Variants in SAMD11 observed in about 807,000 individuals in gnomAD.
SAMD11 encodes the protein sterile alpha motif domain-containing protein 11.
A neutral mutation model predicts 64.4 loss-of-function variants in SAMD11; 77 were observed. That is an observed-to-expected ratio of 1.20 (90% CI 0.99 to 1.44). The LOEUF (loss-of-function observed/expected upper bound fraction) is 1.44. SAMD11 is among the 40% of genes most tolerant of loss of function. SAMD11 has a pLI of 0.00. For synonymous variants in SAMD11, 658 were observed against 421.9 expected, an observed-to-expected ratio of 1.56 and a Z score of -6.86; for missense variants, 1,402 against 943.3, an observed-to-expected ratio of 1.49 and a Z score of -6.37.
chr1:936,836 C>T (rs1048158383), intron 5 of SAMD11, among the ~76,000 whole-genome samples: 12 of 152,160 alleles, frequency 7.9e-5, no homozygotes, highest in African/African-American at 2.4e-4. Context: ...AATCTAATTG[C>T]CCCATCGATC....
At position 931,066 on chromosome 1, in the gene SAMD11, C is replaced by T. The variant is rs141065105; in HGVS notation, c.819C>T (p.Ile273=). 37 of 1,612,702 alleles carry T rather than the reference C, an allele frequency of 2.3e-5. No individual in the cohort carries two copies. Among genetic ancestry groups the T allele is most frequent in the Middle Eastern group, 1.7e-4 (1 of 5,912 alleles). Residue 273 remains isoleucine (I), a synonymous_variant, in exon 4 of 14, where the codon ATC becomes ATT. Coordinates refer to ENST00000616016, the MANE Select transcript of SAMD11 (RefSeq NM_001385641.1). ...TCCACACCCACTGGGACGTGAACATCTCTTTCCGAGAGGCGTCCTGCAGGT... is the reference window on the plus strand; with the variant it reads ...TCCACACCCACTGGGACGTGAACATTTCTTTCCGAGAGGCGTCCTGCAGGT... ...RRVHTHWDVN[I]SFREASCSQD...
At chr1:939,586 C>A in intron 7 of SAMD11, 174 bp downstream of exon 7, 1 of 518,618 alleles carries the variant, frequency 1.9e-6, no homozygotes, top group Non-Finnish European at 2.9e-6. Flanking sequence ...TGCCACACGT[C>A]CTGCCCCATG....
chr1:939,572 C>CCTGGAGGACCCA, intron 7 of SAMD11, 160 bp downstream of exon 7: 1 of 1,322,394 alleles, frequency 7.6e-7, no homozygotes, highest in Non-Finnish European at 1.0e-6. Context: ...GATGCAGGTC[C>CCTGGAGGACCCA]CTCTGCCACA....
Position 943,013 on chromosome 1 carries a change from C to G in SAMD11, c.2008C>G (p.Leu670Val). ...EGKGLFPGST[L>V]PLGFPYAVSP... is the part of the protein sequence containing the mutation. The stretch of plus-strand genomic sequence containing the variant: ...GAAGGGGCTTTTCCCAGGGTCCACA[C>G]TGCCCCTGGGCTTCCCTTATGCCGT... The change falls in exon 11 of 14, where the codon CTG (leucine) becomes GTG (valine). Residue 670 changes from leucine to valine, a missense_variant. Leu to Val is a conservative substitution (Grantham distance 32, BLOSUM62 1). Transcript: ENST00000616016. 2 of 1,539,272 alleles carry G rather than the reference C, an allele frequency of 1.3e-6. No homozygotes were observed. Among genetic ancestry groups the G allele is most frequent in the Non-Finnish European group, 1.7e-6 (2 of 1,146,210 alleles).
intron 9 of SAMD11, 51 bp downstream of exon 9, chr1:942,302 C>A: frequency 1.9e-6 from 2 of 1,030,258 alleles, no homozygotes; most frequent in East Asian, 3.3e-5. Flanking sequence ...GGCTCGCGGA[C>A]CCGGCCCTGC....
intron 2 of SAMD11, among the ~76,000 whole-genome samples, chr1:929,172 G>A (rs1406765951): frequency 1.3e-5 from 2 of 152,230 alleles, no homozygotes; most frequent in Admixed American, 6.5e-5. Context: ...CTGGGCCGGC[G>A]CTGGTGTGCT....
chr1:935,533 C>T (rs1373666894), intron 4 of SAMD11, among the ~76,000 whole-genome samples: 1 of 152,206 alleles, frequency 6.6e-6, no homozygotes, highest in African/African-American at 2.4e-5. Context: ...TAGACCCTCC[C>T]TGGAGCAGCC....
At position 944,440 on chromosome 1, in the gene SAMD11, C is replaced by A; in HGVS notation, c.*287C>A. On this transcript the variant is annotated 3_prime_UTR_variant, in exon 14 of 14. Coordinates refer to ENST00000616016, the MANE Select transcript of SAMD11 (RefSeq NM_001385641.1). ...ACTGGGACTGGTCTCGGTCTGCTGA[C>A]GTCAGGGTCAGCTCCCCCGCGGAGC... 1 of 976,488 alleles carries A rather than the reference C, an allele frequency of 1.0e-6. No homozygotes were observed. Among genetic ancestry groups the A allele is most frequent in the Non-Finnish European group, 1.4e-6 (1 of 708,440 alleles). The allele number at this position is 976,488 out of a possible 1,614,324, so 60.5% of individuals were successfully genotyped here. A position where few individuals can be genotyped will look rare whatever the true frequency, so the allele number is the denominator to read the frequency against.
chr1:943,917 C>T lies in SAMD11; in HGVS notation c.2299C>T (p.Arg767Cys), dbSNP rs140566193. 75 of 1,612,614 alleles carry T rather than the reference C, an allele frequency of 4.7e-5. No homozygotes were observed. Among genetic ancestry groups the T allele is most frequent in the African/African-American group, 1.5e-4 (11 of 74,932 alleles). Reference protein sequence around the residue: ...ALKIRAQVARRLGRVFYVASF... With the variant: ...ALKIRAQVARCLGRVFYVASF... The stretch of plus-strand genomic sequence containing the variant: ...GGCCATCTCTCTGCAGGTGGCCAGG[C>T]GCCTGGGCCGAGTTTTCTACGTGGC... Residue 767 changes from arginine (R) to cysteine (C), a missense_variant, in exon 14 of 14, where the codon CGC becomes TGC. Coordinates refer to ENST00000616016, the MANE Select transcript of SAMD11 (RefSeq NM_001385641.1).
intron 5 of SAMD11, among the ~76,000 whole-genome samples, chr1:936,570 G>A (rs529492216): frequency 6.6e-6 from 1 of 152,256 alleles, no homozygotes; most frequent in Non-Finnish European, 1.5e-5. Context: ...GTAGAGAGGG[G>A]CACAGCAGAG....
rs1277955803 is a variant in SAMD11 at position 943,790 on chromosome 1, C to G, written c.2271C>G (p.Ala757=). 6 of 1,612,712 alleles carry G rather than the reference C, an allele frequency of 3.7e-6. No homozygotes were observed. The highest frequency in any genetic ancestry group is 5.1e-6 in the Non-Finnish European group (6 of 1,179,942). ...ACATGGGGCTGAAGCTGGGGCCCGC[C>G]CTCAAGATCCGGGCCCAGGTGAGAC... ...LTNMGLKLGP[A]LKIRAQVARR... is the part of the protein sequence containing the mutation. The change falls in exon 13 of 14, where the codon GCC becomes GCG. Residue 757 remains alanine, a synonymous_variant. Coordinates refer to ENST00000616016, the MANE Select transcript of SAMD11 (RefSeq NM_001385641.1).
Position 930,256 on chromosome 1 carries a change from C to G in SAMD11, c.711C>G (p.Ser237Arg). 6.2e-7 allele frequency: 1 copy of G among 1,606,552 alleles called. No homozygotes were observed. The highest frequency in any genetic ancestry group is 8.5e-7 in the Non-Finnish European group (1 of 1,177,110). The change falls in exon 3 of 14, where the codon AGC becomes AGG. Residue 237 changes from serine to arginine, a missense_variant. Physicochemically the swap from Ser to Arg is moderately radical, Grantham distance 110. Transcript: ENST00000616016. Reference sequence around the variant, plus strand: ...GCTTCTCTGCCAGCGATGGTGACAGCGACGGGAGTGGCCCCACCTGTGGGC... The same window carrying G: ...GCTTCTCTGCCAGCGATGGTGACAGGGACGGGAGTGGCCCCACCTGTGGGC... ...TPSFSASDGD[S>R]DGSGPTCGRR...
intron 5 of SAMD11, 54 bp downstream of exon 5, chr1:935,950 GGTGGC>G: frequency 6.4e-7 from 1 of 1,574,168 alleles, no homozygotes; most frequent in East Asian, 2.3e-5. Flanking sequence ...GCCAGAGGAC[GGTGGC>G]GTCTCCACTC....
intron 4 of SAMD11, among the ~76,000 whole-genome samples, chr1:933,862 G>A (rs1047334449): frequency 2.0e-5 from 3 of 149,640 alleles, no homozygotes; most frequent in Admixed American, 1.3e-4. Flanking sequence ...TCTGCTTAGG[G>A]GCAGCCTTGG....
rs533752124 is a variant in SAMD11 at position 932,313 on chromosome 1, G to A, written c.842+1224G>A. Among the ~76,000 whole-genome samples the A allele has an allele frequency of 8.5e-5, 13 of 152,226 alleles. No homozygotes were observed. In the East Asian group the frequency reaches 1.4e-3, roughly 16 times the overall value. On this transcript the variant is annotated intron_variant, in intron 4 of 13. Transcript: ENST00000616016. The stretch of plus-strand genomic sequence containing the variant: ...CCTCCTGCCTGCAGCCCCCTCCTCC[G>A]TCTGCCTGGCCTCGGGAATGCAGCG...
intron 4 of SAMD11, among the ~76,000 whole-genome samples, chr1:935,152 G>A (rs1388799088): frequency 6.6e-6 from 1 of 152,148 alleles, no homozygotes; most frequent in African/African-American, 2.4e-5. Flanking sequence ...AATGAGGGAA[G>A]AAAAGAGTTA....
At chr1:933,017 C>T (rs1305993831) in intron 4 of SAMD11, among the ~76,000 whole-genome samples, 2 of 152,110 alleles carry the variant, frequency 1.3e-5, no homozygotes, top group African/African-American at 4.8e-5. Flanking sequence ...CTGGCCTCCC[C>T]CTCCCCCTCT....
chr1:942,787 C>G lies in SAMD11; in HGVS notation c.1782C>G (p.Ala594=), dbSNP rs1489260819. The change falls in exon 11 of 14, where the codon GCC becomes GCG. Residue 594 remains alanine, a synonymous_variant. Coordinates refer to ENST00000616016, the MANE Select transcript of SAMD11 (RefSeq NM_001385641.1). ...CGTCCCGGGACTCTGCCCGGCGAGC[C>G]CCCCGGAAGGGGGGTCCCGGCCCTG... ...PTPSRDSARR[A]PRKGGPGPAS... The G allele has an allele frequency of 1.9e-6, 3 of 1,540,474 alleles. No individual in the cohort carries two copies. The South Asian group carries it at 3.6e-5, about 18-fold the overall frequency.
intron 5 of SAMD11, among the ~76,000 whole-genome samples, chr1:937,629 G>A (rs1641527092): frequency 6.6e-6 from 1 of 152,144 alleles, no homozygotes; most frequent in Non-Finnish European, 1.5e-5. Flanking sequence ...GGCACGGGAG[G>A]CTGTGGGGGA....
Sources: allele counts gnomAD v4.1 joint callset (sites outside exome capture counted in the v4.1 genomes callset), GRCh38; gene constraint gnomAD v4.1.1; transcripts MANE v1.5; gene names NCBI Gene and HGNC (gene_info 2026-07-23, HGNC 2026-07-21).